KDM2A: variants seen among roughly 807,000 people sequenced by gnomAD.
KDM2A encodes the protein lysine demethylase 2A.
KDM2A carries 3 observed loss-of-function variants against 137.3 expected under a neutral mutation model. That is an observed-to-expected ratio of 0.02 (90% CI 0.01 to 0.06). KDM2A has a LOEUF of 0.06. Among genes scored for constraint, KDM2A ranks in the 10% least tolerant of loss-of-function variants. The probability of loss-of-function intolerance (pLI) is 1.00; values close to 1 mark genes in which losing one functional copy is unlikely to be tolerated. For missense variants in KDM2A, 738 were observed against 1,510.6 expected (o/e 0.49, Z 8.48); for synonymous variants, 512 against 541.5 (o/e 0.95, Z 0.76).
intron 5 of KDM2A, among the ~76,000 whole-genome samples, chr11:67,190,979 A>G (rs528095846): frequency 1.3e-5 from 2 of 152,316 alleles, no homozygotes; most frequent in South Asian, 2.1e-4. Context: ...AATTCTACCA[A>G]ACATTTAAAG....
At chr11:67,200,959 C>T (rs970420602) in intron 5 of KDM2A, among the ~76,000 whole-genome samples, 5 of 151,682 alleles carry the variant, frequency 3.3e-5, no homozygotes, top group Non-Finnish European at 5.9e-5. Context: ...TTTGGGAGGT[C>T]GAGGCGGGTG....
At chr11:67,223,278 C>T (rs1025183049) in intron 10 of KDM2A, among the ~76,000 whole-genome samples, 2 of 151,742 alleles carry the variant, frequency 1.3e-5, no homozygotes, top group Non-Finnish European at 2.9e-5. Flanking sequence ...GCAATGGGGT[C>T]AGGTTGGGTA....
chr11:67,178,763 T>C (rs549696497), intron 2 of KDM2A, among the ~76,000 whole-genome samples: 1 of 152,352 alleles, frequency 6.6e-6, no homozygotes, highest in South Asian at 2.1e-4. Flanking sequence ...ATTGTATAGG[T>C]ATACCACATT....
In KDM2A at chr11:67,250,073, G is replaced by A. The variant is rs1275421097; in HGVS notation, c.2056-13G>A. On this transcript the variant is annotated splice_polypyrimidine_tract_variant and intron_variant, in intron 16 of 20. Coordinates refer to ENST00000529006, the MANE Select transcript of KDM2A (RefSeq NM_012308.3). This position sits in a 1 kb window ranked among gnomAD's most constrained non-coding sequence, Gnocchi z 7.1. ...GGAAGCACTGATGTTGCTTTTCTGGGCCTGTTTTGCAGAAGCGGAAAATGG... is the reference window on the plus strand; with the variant it reads ...GGAAGCACTGATGTTGCTTTTCTGGACCTGTTTTGCAGAAGCGGAAAATGG... 2 of 1,564,642 alleles carry A rather than the reference G, an allele frequency of 1.3e-6. No individual in the cohort carries two copies. Among genetic ancestry groups the A allele is most frequent in the Non-Finnish European group, 1.7e-6 (2 of 1,155,164 alleles).
At chr11:67,134,574 G>A (rs1287828754) in intron 2 of KDM2A, among the ~76,000 whole-genome samples, 3 of 151,688 alleles carry the variant, frequency 2.0e-5, no homozygotes, top group Non-Finnish European at 4.4e-5. Flanking sequence ...GTGCGATCTC[G>A]GCTCACTTAA....
intron 6 of KDM2A, among the ~76,000 whole-genome samples, chr11:67,214,902 G>A (rs1858113146): frequency 6.6e-6 from 1 of 152,074 alleles, no homozygotes; most frequent in Non-Finnish European, 1.5e-5. Flanking sequence ...AATCTATACT[G>A]GATTTTTTTC....
intron 6 of KDM2A, among the ~76,000 whole-genome samples, chr11:67,210,577 C>T (rs759108896): frequency 4.0e-5 from 6 of 151,732 alleles, no homozygotes; most frequent in Non-Finnish European, 7.4e-5. Context: ...CATTAAAGGG[C>T]GGAGAAGAAC....
intron 8 of KDM2A, 69 bp downstream of exon 8, chr11:67,216,018 T>A: frequency 9.4e-7 from 1 of 1,058,322 alleles, no homozygotes; most frequent in Non-Finnish European, 1.5e-6. Flanking sequence ...AGTTCATGTA[T>A]ACTTAATATA....
At chr11:67,214,823 A>G (rs1858111018) in intron 6 of KDM2A, among the ~76,000 whole-genome samples, 1 of 152,218 alleles carries the variant, frequency 6.6e-6, no homozygotes, top group South Asian at 2.1e-4. Context: ...TTGAAAAGAC[A>G]TGATAGACCT....
intron 12 of KDM2A, chr11:67,240,346 C>T (rs987056062): frequency 1.3e-6 from 2 of 1,535,246 alleles, no homozygotes; most frequent in African/African-American, 1.4e-5. Flanking sequence ...GCCTCGGCAG[C>T]TCCAGAGCGA....
At chr11:67,157,321 AAAAAAAAAAAC>A (rs1856539275) in intron 2 of KDM2A, among the ~76,000 whole-genome samples, 1 of 151,364 alleles carries the variant, frequency 6.6e-6, no homozygotes. Flanking sequence ...CCGTCTCAAA[AAAAAAAAAAAC>A]AAAAAACACC....
At chr11:67,228,776 G>A (rs1410456682) in intron 11 of KDM2A, among the ~76,000 whole-genome samples, 4 of 151,366 alleles carry the variant, frequency 2.6e-5, no homozygotes, top group Admixed American at 6.6e-5. Flanking sequence ...TTGCCCTGTC[G>A]TCCAAGTTGA....
At position 67,207,409 on chromosome 11, in the gene KDM2A, G is replaced by C. The variant is rs1857836180; in HGVS notation, c.308-101G>C. 4.6e-6 allele frequency: 4 copies of C among 867,608 alleles called. No homozygotes were observed. The Admixed American group carries it at 1.3e-4, about 28-fold the overall frequency. 53.7% of individuals were successfully genotyped at this position (867,608 alleles called of 1,614,324 possible). On this transcript the variant is annotated intron_variant, in intron 5 of 20. Coordinates refer to ENST00000529006, the MANE Select transcript of KDM2A (RefSeq NM_012308.3). ...TTTCCTTGTGTATTATTGAAAATAA[G>C]AAAGGACAGTATTTTTTCTTCTACT...
At chr11:67,184,097 CAAAA>C (rs34270166) in intron 5 of KDM2A, among the ~76,000 whole-genome samples, 4 of 66,172 alleles carry the variant, frequency 6.0e-5, no homozygotes, top group Non-Finnish European at 7.1e-5. Flanking sequence ...GACCCTGTCT[CAAAA>C]AAAAAAAAAA....
chr11:67,148,115 G>C (rs1483967917), intron 2 of KDM2A, among the ~76,000 whole-genome samples: 1 of 152,044 alleles, frequency 6.6e-6, no homozygotes, highest in East Asian at 1.9e-4. Context: ...TGTTACTTTT[G>C]CATTCCTTTA....
chr11:67,197,385 A>C (rs890936570), intron 5 of KDM2A, among the ~76,000 whole-genome samples: 3 of 152,134 alleles, frequency 2.0e-5, no homozygotes, highest in Admixed American at 6.6e-5. Flanking sequence ...CATGTTGCCC[A>C]GGCTGGTCTT....
At chr11:67,164,462 T>C (rs1400265761) in intron 2 of KDM2A, among the ~76,000 whole-genome samples, 2 of 152,164 alleles carry the variant, frequency 1.3e-5, no homozygotes, top group African/African-American at 2.4e-5. Context: ...AGTGTTGATC[T>C]TGCTATTGGC....
intron 2 of KDM2A, among the ~76,000 whole-genome samples, chr11:67,169,081 G>T (rs1366051865): frequency 6.7e-6 from 1 of 150,324 alleles, no homozygotes; most frequent in Non-Finnish European, 1.5e-5. Flanking sequence ...TCAGCCTCCT[G>T]AGTAGCTGGG....
intron 15 of KDM2A, among the ~76,000 whole-genome samples, chr11:67,247,225 G>A (rs186075846): frequency 6.8e-6 from 1 of 148,012 alleles, no homozygotes; most frequent in East Asian, 2.0e-4. Context: ...TAGTAGTTGG[G>A]ATTACAAGCA....
Sources: gnomAD v4.1 joint callset for allele counts (sites outside exome capture counted in the v4.1 genomes callset) on GRCh38, gnomAD v4.1.1 for gene constraint, Gnocchi (gnomAD v3.1) non-coding constraint, MANE v1.5 for transcripts, NCBI Gene and HGNC (gene_info 2026-07-23, HGNC 2026-07-21) for gene names.